Variants in GPHN observed in about 807,000 individuals in gnomAD.
GPHN encodes the protein gephyrin.
A neutral mutation model predicts 95.5 loss-of-function variants in GPHN; 17 were observed. That is an observed-to-expected ratio of 0.18 (90% CI 0.12 to 0.27). The LOEUF (loss-of-function observed/expected upper bound fraction) is 0.27, where lower values mean the gene tolerates loss of function less well. GPHN is among the 10% of genes least tolerant of loss of function. The pLI is 1.00. For missense variants in GPHN, 660 were observed against 978.1 expected (o/e 0.67, Z 4.34); for synonymous variants, 320 against 322.5 (o/e 0.99, Z 0.08).
chr14:67,515,585 G>T, the GPHN span: 1 of 152,852 alleles, frequency 6.5e-6, no homozygotes, highest in Admixed American at 6.5e-5. Flanking sequence ...GCAGCCCGGG[G>T]TCGGCCCCGC....
chr14:67,409,268 G>T, the GPHN span, among the ~76,000 whole-genome samples: 2 of 149,714 alleles, frequency 1.3e-5, no homozygotes, highest in Non-Finnish European at 3.0e-5. Flanking sequence ...TAACAGGGGG[G>T]TGTGGTGACT....
intron 4 of GPHN, among the ~76,000 whole-genome samples, chr14:66,856,232 A>G (rs1257401153): frequency 6.6e-6 from 1 of 152,168 alleles, no homozygotes; most frequent in Non-Finnish European, 1.5e-5. Context: ...ATGTGGGAAC[A>G]TGGGTTTGAT....
At chr14:66,796,033 C>T (rs991668143) in intron 3 of GPHN, among the ~76,000 whole-genome samples, 4 of 152,214 alleles carry the variant, frequency 2.6e-5, no homozygotes, top group African/African-American at 9.6e-5. Context: ...CCTCTAACTC[C>T]ATGGGTTCAA....
chr14:67,179,111 A>G (rs1258312338), intron 21 of GPHN, among the ~76,000 whole-genome samples: 2 of 152,232 alleles, frequency 1.3e-5, no homozygotes, highest in Non-Finnish European at 2.9e-5. Flanking sequence ...GTGGCCAGGC[A>G]TGGTGGCTCA....
chr14:67,457,572 C>T, the GPHN span, among the ~76,000 whole-genome samples: 1 of 152,240 alleles, frequency 6.6e-6, no homozygotes, highest in Non-Finnish European at 1.5e-5. Flanking sequence ...CACCACTGCA[C>T]TCCTGGCTGA....
At chr14:66,774,346 G>A (rs1345707558) in intron 2 of GPHN, among the ~76,000 whole-genome samples, 2 of 152,022 alleles carry the variant, frequency 1.3e-5, no homozygotes, top group African/African-American at 4.8e-5. Context: ...ACTAATTTCT[G>A]TAATCTTGTC....
chr14:67,539,824 A>G, the GPHN span, among the ~76,000 whole-genome samples: 1 of 152,322 alleles, frequency 6.6e-6, no homozygotes, highest in East Asian at 1.9e-4. Flanking sequence ...GTGTGTGGAC[A>G]ACAGTGCTTA....
At chr14:67,578,095 G>A in the GPHN span, 577 of 1,613,204 alleles carry the variant, frequency 3.6e-4, 1 homozygote, top group Non-Finnish European at 4.6e-4. This position sits in a 1 kb window ranked among gnomAD's most constrained non-coding sequence, Gnocchi z 5.0. Context: ...GGCCCAGACC[G>A]CACTGCAGGT....
the GPHN span, among the ~76,000 whole-genome samples, chr14:67,293,209 T>A: frequency 6.6e-6 from 1 of 152,146 alleles, no homozygotes; most frequent in African/African-American, 2.4e-5. Context: ...GTTTTTATTG[T>A]TAACATGATG....
chr14:67,377,777 CT>C, the GPHN span, among the ~76,000 whole-genome samples: 1 of 152,052 alleles, frequency 6.6e-6, no homozygotes, highest in African/African-American at 2.4e-5. Flanking sequence ...TTTTCCTTTA[CT>C]TTCTCTTGGA....
chr14:66,759,118 G>A (rs2058672013), intron 2 of GPHN, among the ~76,000 whole-genome samples: 1 of 152,168 alleles, frequency 6.6e-6, no homozygotes, highest in Non-Finnish European at 1.5e-5. Context: ...AATTGGCTTT[G>A]ATGGAACTCT....
the GPHN span, among the ~76,000 whole-genome samples, chr14:67,657,447 T>C: frequency 6.6e-6 from 1 of 152,130 alleles, no homozygotes; most frequent in Non-Finnish European, 1.5e-5. Flanking sequence ...TGCCCTAATT[T>C]TCTAAATCCC....
intron 10 of GPHN, among the ~76,000 whole-genome samples, chr14:67,057,359 A>G (rs1032797597): frequency 1.4e-5 from 2 of 146,994 alleles, no homozygotes; most frequent in Admixed American, 1.4e-4. Context: ...CAAACACTGC[A>G]TGTTCTCACT....
chr14:67,686,633 C>T, the GPHN span, among the ~76,000 whole-genome samples: 8 of 78,226 alleles, frequency 1.0e-4, no homozygotes, highest in South Asian at 1.1e-3. Context: ...AGTGAGACAC[C>T]GGTGCAAAAA....
chr14:66,716,704 T>C (rs1024347015), intron 2 of GPHN, among the ~76,000 whole-genome samples: 1 of 152,236 alleles, frequency 6.6e-6, no homozygotes, highest in African/African-American at 2.4e-5. Flanking sequence ...GTTCTTGTAG[T>C]GGTGGCTTGG....
chr14:67,398,076 A>G, the GPHN span: 1 of 350,692 alleles, frequency 2.9e-6, no homozygotes, highest in Non-Finnish European at 5.1e-6. Flanking sequence ...AAAAGAAGAG[A>G]AAAATCACTT....
chr14:67,243,839 G>A, the GPHN span, among the ~76,000 whole-genome samples: 1 of 152,102 alleles, frequency 6.6e-6, no homozygotes, highest in African/African-American at 2.4e-5. Context: ...TAGGATCGTT[G>A]AGTTGGAAGT....
intron 4 of GPHN, among the ~76,000 whole-genome samples, chr14:66,864,803 A>G (rs1429239529): frequency 6.6e-6 from 1 of 152,156 alleles, no homozygotes; most frequent in Non-Finnish European, 1.5e-5. Flanking sequence ...AGTATTTCCA[A>G]GGAATATCTG....
intron 9 of GPHN, among the ~76,000 whole-genome samples, chr14:66,992,912 A>G (rs968188835): frequency 2.0e-5 from 3 of 152,214 alleles, no homozygotes; most frequent in African/African-American, 7.2e-5. Flanking sequence ...TACTTACACA[A>G]CAGCAGAGTT....
Sources: allele counts gnomAD v4.1 joint callset (sites outside exome capture counted in the v4.1 genomes callset), GRCh38; gene constraint gnomAD v4.1.1; non-coding constraint Gnocchi (gnomAD v3.1); transcripts MANE v1.5; gene names NCBI Gene and HGNC (gene_info 2026-07-23, HGNC 2026-07-21).